MICAL3: variants seen among roughly 807,000 people sequenced by gnomAD.
MICAL3 encodes the protein [F-actin]-monooxygenase MICAL3.
In MICAL3, 62 loss-of-function variants were observed where a neutral mutation model predicts 207.4. The observed-to-expected ratio is 0.30, with a 90% confidence interval of 0.24 to 0.37. The LOEUF is 0.37. Among genes scored for constraint, MICAL3 ranks in the 10% least tolerant of loss-of-function variants. MICAL3 has a pLI of 1.00. For missense variants in MICAL3, 2,368 were observed against 2,635.6 expected (o/e 0.90, Z 2.22); for synonymous variants, 1,077 against 1,069.3 (o/e 1.01, Z -0.14).
intron 1 of MICAL3, among the ~76,000 whole-genome samples, chr22:18,000,656 G>A (rs1922859312): frequency 6.6e-6 from 1 of 152,210 alleles, no homozygotes; most frequent in Non-Finnish European, 1.5e-5. Flanking sequence ...CATGTGCCCC[G>A]GAGACCTCCA....
chr22:17,896,798 C>T lies in MICAL3; in HGVS notation c.1132G>A (p.Glu378Lys), dbSNP rs780087635. ...MFDFTCMYAS[E>K]NAALVREQNG... is the part of the protein sequence containing the mutation. ...TGCTCCCGCACCAAGGCGGCGTTCT[C>T]GGAGGCATACATACAAGTGAAGTCA... Residue 378 changes from glutamate to lysine, a missense_variant, in exon 8 of 32, where the codon GAG (glutamate) becomes AAG (lysine). By Grantham distance (56) the Glu-to-Lys change is moderately conservative. Transcript: ENST00000441493. The T allele has an allele frequency of 2.4e-5, 39 of 1,613,928 alleles. No individual in the cohort carries two copies. Among genetic ancestry groups the T allele is most frequent in the Middle Eastern group, 3.3e-4 (2 of 6,084 alleles).
At chr22:17,870,528 A>C (rs936216857) in intron 17 of MICAL3, among the ~76,000 whole-genome samples, 1 of 152,164 alleles carries the variant, frequency 6.6e-6, no homozygotes, top group Non-Finnish European at 1.5e-5. Context: ...CATGGGCAAA[A>C]GTACCTGTAG....
intron 1 of MICAL3, among the ~76,000 whole-genome samples, chr22:17,976,083 G>A (rs548948943): frequency 3.1e-4 from 47 of 152,230 alleles, no homozygotes; most frequent in African/African-American, 1.1e-3. Context: ...CTCAAAGCCG[G>A]AGCAAATAAG....
At chr22:17,961,537 A>G (rs1270209086) in intron 1 of MICAL3, among the ~76,000 whole-genome samples, 3 of 151,824 alleles carry the variant, frequency 2.0e-5, no homozygotes, top group Admixed American at 2.0e-4. Context: ...AGGGGCACAT[A>G]GTCTCACACC....
Position 17,901,875 on chromosome 22 carries a change from T to A in MICAL3, c.691+3A>T, listed in dbSNP as rs761918577. On this transcript the variant is annotated splice_donor_region_variant and intron_variant, in intron 5 of 31. Transcript: ENST00000441493. ...AGCCAGGCAGAGGAGCACAGACCAATACCTTCCAAGGTGTTCCTCCGACCA... is the reference window on the plus strand; with the variant it reads ...AGCCAGGCAGAGGAGCACAGACCAAAACCTTCCAAGGTGTTCCTCCGACCA... The A allele has an allele frequency of 2.5e-6, 4 of 1,609,310 alleles. No individual in the cohort carries two copies. Among genetic ancestry groups the A allele is most frequent in the Non-Finnish European group, 3.4e-6 (4 of 1,175,894 alleles).
At chr22:17,792,350 C>T (rs982561477) in intron 29 of MICAL3, among the ~76,000 whole-genome samples, 1 of 152,208 alleles carries the variant, frequency 6.6e-6, no homozygotes, top group African/African-American at 2.4e-5. Flanking sequence ...CCATTTGATG[C>T]AGAGTTCCAA....
At chr22:17,941,439 A>G (rs564547026) in intron 1 of MICAL3, among the ~76,000 whole-genome samples, 31 of 152,288 alleles carry the variant, frequency 2.0e-4, no homozygotes, top group African/African-American at 5.1e-4. Context: ...AGAGAGGCCA[A>G]TGGATTATGA....
chr22:17,972,819 T>C (rs1935477751), intron 1 of MICAL3, among the ~76,000 whole-genome samples: 1 of 152,220 alleles, frequency 6.6e-6, no homozygotes. Context: ...ATTCCATGCA[T>C]AAGCCAGGAA....
chr22:17,879,892 T>C (rs922492158), intron 16 of MICAL3, among the ~76,000 whole-genome samples: 5 of 152,132 alleles, frequency 3.3e-5, no homozygotes, highest in Non-Finnish European at 7.4e-5. Flanking sequence ...GGCCAAAGCA[T>C]AATTTACTAA....
intron 16 of MICAL3, among the ~76,000 whole-genome samples, chr22:17,873,450 C>A (rs147131450): frequency 3.9e-5 from 6 of 152,246 alleles, no homozygotes; most frequent in South Asian, 2.1e-4. Context: ...TTGGAAGAAG[C>A]CTTCTCAGCC....
At chr22:17,798,952 T>C (rs1210070881) in intron 29 of MICAL3, among the ~76,000 whole-genome samples, 1 of 151,930 alleles carries the variant, frequency 6.6e-6, no homozygotes, top group Non-Finnish European at 1.5e-5. Flanking sequence ...GGATTACAGG[T>C]GGGAGCCACC....
chr22:17,965,208 G>GAAA (rs1935094174), intron 1 of MICAL3, among the ~76,000 whole-genome samples: 1 of 142,402 alleles, frequency 7.0e-6, no homozygotes, highest in Non-Finnish European at 1.6e-5. Flanking sequence ...AAAAAAGGAA[G>GAAA]GGAACTATTT....
chr22:17,815,991 G>A (rs1018829540), intron 27 of MICAL3, among the ~76,000 whole-genome samples: 25 of 152,346 alleles, frequency 1.6e-4, no homozygotes, highest in African/African-American at 3.6e-4. Context: ...GGAGACAGCC[G>A]GGTTGCCCCC....
At chr22:17,899,416 A>T in intron 7 of MICAL3, 32 bp downstream of exon 7, 3 of 1,382,662 alleles carry the variant, frequency 2.2e-6, no homozygotes, top group Non-Finnish European at 3.1e-6. Context: ...CACTTCAATA[A>T]GAAAGAGTTT....
intron 19 of MICAL3, chr22:17,862,185 C>T (rs1011647932): frequency 1.0e-6 from 1 of 985,228 alleles, no homozygotes; most frequent in Non-Finnish European, 1.2e-6. Context: ...GAGGCGGTTA[C>T]CATGGGCCTG....
Position 17,976,102 on chromosome 22 carries a change from C to T in MICAL3, c.-75+48179G>A, listed in dbSNP as rs80200922. 6.2e-3 allele frequency among the ~76,000 whole-genome samples: 943 copies of T among 152,038 alleles called. 14 individuals carry two copies. The highest frequency in any genetic ancestry group is 0.017 in the African/African-American group (718 of 41,462). On this transcript the variant is annotated intron_variant, in intron 1 of 31. Transcript: ENST00000441493. ...AAGCCGGAGCAAATAAGACGGCCAA[C>T]AGAACATCAGTATGTAAGTTAAATG...
intron 29 of MICAL3, among the ~76,000 whole-genome samples, chr22:17,795,571 CA>C (rs2061867174): frequency 1.3e-5 from 2 of 151,996 alleles, no homozygotes; most frequent in South Asian, 4.2e-4. Flanking sequence ...ACACAGAGAA[CA>C]ATATAACAGA....
At chr22:17,802,696 A>G (rs775415404) in intron 29 of MICAL3, among the ~76,000 whole-genome samples, 1 of 152,222 alleles carries the variant, frequency 6.6e-6, no homozygotes, top group African/African-American at 2.4e-5. Flanking sequence ...TTTTTAAATG[A>G]ATGGGCCAAG....
intron 29 of MICAL3, among the ~76,000 whole-genome samples, chr22:17,799,573 G>A (rs2061915295): frequency 6.6e-6 from 1 of 152,244 alleles, no homozygotes. Flanking sequence ...CCCAACCCAG[G>A]AAGCCTATTT....
Sources: allele counts gnomAD v4.1 joint callset (sites outside exome capture counted in the v4.1 genomes callset), GRCh38; gene constraint gnomAD v4.1.1; transcripts MANE v1.5; gene names NCBI Gene and HGNC (gene_info 2026-07-23, HGNC 2026-07-21).